The following TAFA5 variants were observed in gnomAD, a reference collection of about 807,000 sequenced individuals.
TAFA5 encodes the protein chemokine-like protein TAFA-5.
A neutral mutation model predicts 15.3 loss-of-function variants in TAFA5; 6 were observed. The observed-to-expected ratio is 0.39, with a 90% CI of 0.21 to 0.77. TAFA5 has a LOEUF of 0.77. Ranked by LOEUF, TAFA5 falls within the 30% of genes least tolerant of loss-of-function variation. TAFA5 has a pLI of 0.41. For missense variants in TAFA5, 161 were observed against 193.1 expected, an observed-to-expected ratio of 0.83 and a Z score of 0.98; for synonymous variants, 103 against 80.7, an observed-to-expected ratio of 1.28 and a Z score of -1.48.
rs562349123 is a variant in TAFA5 at position 48,523,351 on chromosome 22, C to G, written c.112+33647C>G. On this transcript the variant is annotated intron_variant, in intron 1 of 3. Transcript: ENST00000402357. ...GGGGACCCTACGGGGTAGGATGAAA[C>G]CAGCCCCTGAGTCAGCAAACTCCCC... Among the ~76,000 whole-genome samples, 8 of 152,372 alleles carry G rather than the reference C, an allele frequency of 5.3e-5. No homozygotes were observed. In the South Asian group the frequency reaches 1.7e-3, roughly 32 times the overall value.
intron 1 of TAFA5, chr22:48,543,865 C>T (rs896737827): frequency 3.9e-5 from 6 of 152,346 alleles, no homozygotes; most frequent in African/African-American, 1.4e-4. Context: ...ATTTGACCCT[C>T]ATTCTCCACC....
At chr22:48,602,862 C>T (rs1371060274) in intron 1 of TAFA5, among the ~76,000 whole-genome samples, 1 of 152,196 alleles carries the variant, frequency 6.6e-6, no homozygotes, top group Non-Finnish European at 1.5e-5. Context: ...TTATTGGTGT[C>T]ACATGGGGCC....
At chr22:48,495,013 T>C (rs1928277933) in intron 1 of TAFA5, among the ~76,000 whole-genome samples, 1 of 152,192 alleles carries the variant, frequency 6.6e-6, no homozygotes. Flanking sequence ...GGAGGCTGAG[T>C]TCCAGCTTTG....
In TAFA5 at chr22:48,714,059, G is replaced by A. The variant is rs551009615; in HGVS notation, c.390+6215G>A. Among the ~76,000 whole-genome samples the A allele has an allele frequency of 5.3e-5, 8 of 152,344 alleles. 1 individual carries two copies. The highest frequency in any genetic ancestry group is 1.7e-4 in the African/African-American group (7 of 41,584). On this transcript the variant is annotated intron_variant, in intron 3 of 3. Coordinates refer to ENST00000402357, the MANE Select transcript of TAFA5 (RefSeq NM_001082967.3). ...AGCTGGGGCACAAGAGTGCGTTCCC[G>A]TGCCAGGCCCTCGCCCAGGGCGGCC...
intron 1 of TAFA5, among the ~76,000 whole-genome samples, chr22:48,526,981 C>T (rs1006539805): frequency 3.3e-5 from 5 of 152,202 alleles, no homozygotes; most frequent in African/African-American, 9.6e-5. Context: ...TGATTCCTTT[C>T]CCTTAATATA....
chr22:48,521,031 G>A (rs1040759635), intron 1 of TAFA5, among the ~76,000 whole-genome samples: 3 of 152,198 alleles, frequency 2.0e-5, no homozygotes, highest in African/African-American at 7.2e-5. Context: ...GGGGATGTGT[G>A]CGTGGGAGGC....
In TAFA5 at chr22:48,560,491, C is replaced by A. The variant is rs1297027532; in HGVS notation, c.112+70787C>A. 6.6e-6 allele frequency among the ~76,000 whole-genome samples: 1 copy of A among 152,196 alleles called. No individual in the cohort carries two copies. Among genetic ancestry groups the A allele is most frequent in the Non-Finnish European group, 1.5e-5 (1 of 68,046 alleles). ...TGCCAGCAGGCGCCCCCAGTGTGAA[C>A]TAATGTGAGGTGCTTTCATGCTGCA... On this transcript the variant is annotated intron_variant, in intron 1 of 3. Coordinates refer to ENST00000402357, the MANE Select transcript of TAFA5 (RefSeq NM_001082967.3). This position sits in a 1 kb window ranked among gnomAD's most constrained non-coding sequence, Gnocchi z 4.2.
chr22:48,668,726 C>G (rs1410055713), intron 2 of TAFA5, among the ~76,000 whole-genome samples: 5 of 152,064 alleles, frequency 3.3e-5, no homozygotes, highest in African/African-American at 4.8e-5. Flanking sequence ...ACTGTAGTCC[C>G]CCAGCACTCG....
At chr22:48,716,467 A>G (rs553349967) in intron 3 of TAFA5, among the ~76,000 whole-genome samples, 7 of 152,208 alleles carry the variant, frequency 4.6e-5, no homozygotes, top group African/African-American at 1.7e-4. Flanking sequence ...GAGTTGAACA[A>G]TGAGAACACA....
At chr22:48,682,420 G>A (rs908301824) in intron 2 of TAFA5, among the ~76,000 whole-genome samples, 2 of 152,238 alleles carry the variant, frequency 1.3e-5, no homozygotes, top group Non-Finnish European at 2.9e-5. Context: ...AGAGCCCCCT[G>A]AAGTTGCTAG....
chr22:48,529,366 G>T (rs1203422276), intron 1 of TAFA5, among the ~76,000 whole-genome samples: 4 of 128,388 alleles, frequency 3.1e-5, no homozygotes, highest in African/African-American at 1.2e-4. Context: ...GTGTCAGGCG[G>T]GAGATGGGGA....
chr22:48,578,860 G>GA (rs943549387), intron 1 of TAFA5, among the ~76,000 whole-genome samples: 17 of 151,920 alleles, frequency 1.1e-4, no homozygotes, highest in Middle Eastern at 3.4e-3. Context: ...GAGGTGCAGG[G>GA]AGGGGGGTGG....
rs369798651 is a variant in TAFA5, at chr22:48,560,119, C to T, written c.112+70415C>T. On this transcript the variant is annotated intron_variant, in intron 1 of 3. Transcript: ENST00000402357. This position sits in a 1 kb window ranked among gnomAD's most constrained non-coding sequence, Gnocchi z 4.2. ...ATAGGATTTGGGGACCTCCACGTGC[C>T]GTCCCATGGGAAAGCCGAGTCCTTG... 8.5e-5 allele frequency among the ~76,000 whole-genome samples: 13 copies of T among 152,286 alleles called. No individual in the cohort carries two copies. The highest frequency in any genetic ancestry group is 8.3e-4 in the South Asian group (4 of 4,818).
chr22:48,712,076 G>A (rs2147254579), intron 3 of TAFA5, among the ~76,000 whole-genome samples: 1 of 152,306 alleles, frequency 6.6e-6, no homozygotes, highest in South Asian at 2.1e-4. Flanking sequence ...CTTTTTTGGG[G>A]ATGGAGTTTC....
At chr22:48,505,678 G>T in intron 1 of TAFA5, among the ~76,000 whole-genome samples, 1 of 152,142 alleles carries the variant, frequency 6.6e-6, no homozygotes, top group Non-Finnish European at 1.5e-5. Flanking sequence ...ATCTCTGTCT[G>T]CAGTGAGCGT....
intron 1 of TAFA5, among the ~76,000 whole-genome samples, chr22:48,496,782 G>A (rs1928342073): frequency 6.6e-6 from 1 of 152,216 alleles, no homozygotes; most frequent in South Asian, 2.1e-4. Context: ...TTTCCTGGGG[G>A]TTAACGGCGT....
chr22:48,619,513 A>G lies in TAFA5; in HGVS notation c.113-27084A>G, dbSNP rs574414138. On this transcript the variant is annotated intron_variant, in intron 1 of 3. Coordinates refer to ENST00000402357, the MANE Select transcript of TAFA5 (RefSeq NM_001082967.3). ...TGGGACTACAGGTGCCCACCACCAC[A>G]CCCAGCTAATTTTTGTATTTTTAGT... Among the ~76,000 whole-genome samples, 31 of 152,252 alleles carry G rather than the reference A, an allele frequency of 2.0e-4. No individual in the cohort carries two copies. In the South Asian group the frequency reaches 4.8e-3, roughly 23 times the overall value.
intron 1 of TAFA5, among the ~76,000 whole-genome samples, chr22:48,640,403 C>T (rs1205048453): frequency 2.0e-5 from 3 of 152,284 alleles, no homozygotes; most frequent in South Asian, 4.1e-4. Flanking sequence ...CCAGCCTGTG[C>T]GCCCAGTGCA....
chr22:48,606,031 G>C (rs1925181767), intron 1 of TAFA5, among the ~76,000 whole-genome samples: 1 of 152,200 alleles, frequency 6.6e-6, no homozygotes, highest in African/African-American at 2.4e-5. Flanking sequence ...TGGTGAGCCT[G>C]ATGAGTCAGC....
Sources: allele counts gnomAD v4.1 joint callset (sites outside exome capture counted in the v4.1 genomes callset), GRCh38; gene constraint gnomAD v4.1.1; non-coding constraint Gnocchi (gnomAD v3.1); transcripts MANE v1.5; gene names NCBI Gene and HGNC (gene_info 2026-07-23, HGNC 2026-07-21).